TNRC18: variants seen among roughly 807,000 people sequenced by gnomAD.
The protein encoded by TNRC18 is trinucleotide repeat-containing gene 18 protein.
A neutral mutation model predicts 226.7 loss-of-function variants in TNRC18; 69 were observed. The ratio of observed to expected loss-of-function variants is 0.30; its 90% CI spans 0.25 to 0.37. The LOEUF (loss-of-function observed/expected upper bound fraction) is 0.37. TNRC18 is among the 10% of genes least tolerant of loss of function. TNRC18 has a pLI of 1.00. For missense variants in TNRC18, 4,754 were observed against 4,256.6 expected, an observed-to-expected ratio of 1.12 and a Z score of -3.25; for synonymous variants, 2,449 against 1,927.6, an observed-to-expected ratio of 1.27 and a Z score of -7.09.
intron 8 of TNRC18, 96 bp from the exon 9 acceptor site, chr7:5,376,320 C>T (rs760816498): frequency 6.2e-6 from 7 of 1,125,058 alleles, no homozygotes; most frequent in Middle Eastern, 2.1e-4. Context: ...GGGCCACACC[C>T]ACACAGTGGG....
intron 18 of TNRC18, 45 bp downstream of exon 18, chr7:5,345,517 G>GGGGGGGGC: frequency 1.6e-5 from 6 of 377,744 alleles, no homozygotes; most frequent in Non-Finnish European, 2.9e-5. Flanking sequence ...AATGGCGTCC[G>GGGGGGGGC]CCCCTCCCAC....
rs114819482 is a variant in TNRC18, at chr7:5,318,398, C to T, written c.6745+1920G>A. ...GTTAGAAGATAAAAGTAGAGAAAAT[C>T]TCTCCATAAGTTGAACAAAATAAGC... On this transcript the variant is annotated intron_variant, in intron 24 of 29. Transcript: ENST00000430969. 1.4e-3 allele frequency among the ~76,000 whole-genome samples: 213 copies of T among 152,102 alleles called. 2 individuals are homozygous for T. Among genetic ancestry groups the T allele is most frequent in the African/African-American group, 5.0e-3 (209 of 41,492 alleles).
intron 14 of TNRC18, among the ~76,000 whole-genome samples, chr7:5,360,090 G>A (rs1792880203): frequency 6.6e-6 from 1 of 152,148 alleles, no homozygotes. Flanking sequence ...GCTTTAAGCT[G>A]AAACTTCACA....
At chr7:5,332,518 T>G in intron 19 of TNRC18, 104 bp downstream of exon 19, 3 of 1,303,458 alleles carry the variant, frequency 2.3e-6, no homozygotes, top group Non-Finnish European at 3.1e-6. Context: ...AGTACATGGT[T>G]ATTAACAGTG....
At chr7:5,366,181 G>A (rs1793597100) in intron 11 of TNRC18, among the ~76,000 whole-genome samples, 1 of 151,916 alleles carries the variant, frequency 6.6e-6, no homozygotes, top group African/African-American at 2.4e-5. Context: ...AGGGTGTCTT[G>A]CTGAGTCCCT....
intron 5 of TNRC18, among the ~76,000 whole-genome samples, chr7:5,385,858 C>G (rs922886306): frequency 1.3e-5 from 2 of 151,326 alleles, no homozygotes; most frequent in Non-Finnish European, 2.9e-5. Context: ...TGGCGTGCAC[C>G]TATAATCCCA....
chr7:5,415,577 C>A (rs185065078), intron 2 of TNRC18, among the ~76,000 whole-genome samples: 4 of 151,138 alleles, frequency 2.6e-5, no homozygotes, highest in Non-Finnish European at 4.4e-5. Flanking sequence ...GATGCTGTTT[C>A]GCCATGTTGG....
In TNRC18 at chr7:5,308,936, T is replaced by C. The variant is rs768048336; in HGVS notation, c.8639A>G (p.Lys2880Arg). 42 of 1,591,930 alleles carry C rather than the reference T, an allele frequency of 2.6e-5. No homozygotes were observed. The East Asian group carries it at 9.4e-4, about 36-fold the overall frequency. Residue 2880 changes from lysine (K) to arginine (R), a missense_variant, in exon 29 of 30, where the codon AAG (lysine) becomes AGG (arginine). Lys to Arg is a conservative substitution (Grantham distance 26). Transcript: ENST00000430969. Reference protein sequence around the residue: ...QFHQGQHWDQKSSRSLPAALR... With the variant: ...QFHQGQHWDQRSSRSLPAALR... ...GGCCGCCGGGAGGCTGCGGCTGGAC[T>C]TCTGGTCCCAGTGCTGTGTGGGGGA...
rs891927093 is a variant in TNRC18, at chr7:5,311,311, G to T, written c.8388+1192C>A. 3.3e-5 allele frequency among the ~76,000 whole-genome samples: 5 copies of T among 152,270 alleles called. No individual in the cohort carries two copies. In the East Asian group the frequency reaches 9.6e-4, roughly 29 times the overall value. On this transcript the variant is annotated intron_variant, in intron 27 of 29. Coordinates refer to ENST00000430969, the MANE Select transcript of TNRC18 (RefSeq NM_001080495.3). ...GCTCCTTCTGAACAGCTAACCCACT[G>T]CTGCAGGCAGGGCACACGGGACCCC...
intron 5 of TNRC18, among the ~76,000 whole-genome samples, chr7:5,379,039 A>T (rs79268761): frequency 6.6e-6 from 1 of 151,962 alleles, no homozygotes; most frequent in African/African-American, 2.4e-5. Context: ...ACTAAAAAAA[A>T]TACAAAAATC....
chr7:5,326,154 G>C (rs1398626940), intron 19 of TNRC18, among the ~76,000 whole-genome samples: 1 of 151,972 alleles, frequency 6.6e-6, no homozygotes, highest in East Asian at 1.9e-4. Context: ...TCAGCTACTA[G>C]TAACAGCATG....
chr7:5,385,447 C>T (rs1331277787), intron 5 of TNRC18, among the ~76,000 whole-genome samples: 7 of 137,224 alleles, frequency 5.1e-5, no homozygotes, highest in African/African-American at 1.9e-4. Context: ...GAGATTGCGC[C>T]ACTGCAGTCC....
rs1251221759 is a variant in TNRC18 at position 5,361,632 on chromosome 7, G to T, written c.4623C>A (p.Pro1541=). 1 of 1,547,602 alleles carries T rather than the reference G, an allele frequency of 6.5e-7. No homozygotes were observed. The highest frequency in any genetic ancestry group is 8.7e-7 in the Non-Finnish European group (1 of 1,147,778). Residue 1541 remains proline, a synonymous_variant, in exon 14 of 30, where the codon CCC becomes CCA. Coordinates refer to ENST00000430969, the MANE Select transcript of TNRC18 (RefSeq NM_001080495.3). ...GGCCGCTCTTCCCTCTCTTGCGGGG[G>T]GGCGACAGGGCGCTCGGGGCGTGGG... The part of the protein sequence containing the change: ...KRTHAPSALS[P]PRKRGKSGHS...
intron 11 of TNRC18, among the ~76,000 whole-genome samples, chr7:5,366,440 CAGTCCCCTGAGT>C (rs919740359): frequency 2.1e-5 from 3 of 146,264 alleles, no homozygotes; most frequent in Non-Finnish European, 4.5e-5. Context: ...AATTCTGCCT[CAGTCCCCTGAGT>C]AGCTGGGACT....
Position 5,355,642 on chromosome 7 carries a change from T to C in TNRC18, c.5194+1274A>G, listed in dbSNP as rs144735839. ...GGTACACAGCTGTAGTCCCAGATACTCAGGAGGTTCAGAGGGGAGGATTGC... is the reference window on the plus strand; with the variant it reads ...GGTACACAGCTGTAGTCCCAGATACCCAGGAGGTTCAGAGGGGAGGATTGC... On this transcript the variant is annotated intron_variant, in intron 16 of 29. Transcript: ENST00000430969. Among the ~76,000 whole-genome samples, 65 of 152,088 alleles carry C rather than the reference T, an allele frequency of 4.3e-4. No homozygotes were observed. In the East Asian group the frequency reaches 0.012, roughly 29 times the overall value.
intron 3 of TNRC18, among the ~76,000 whole-genome samples, chr7:5,392,880 T>C (rs1436337512): frequency 6.6e-6 from 1 of 151,816 alleles, no homozygotes; most frequent in Non-Finnish European, 1.5e-5. Flanking sequence ...GGCGTGATGG[T>C]GTGCACCTGT....
chr7:5,348,515 G>A (rs1441913016), intron 17 of TNRC18, among the ~76,000 whole-genome samples: 1 of 152,198 alleles, frequency 6.6e-6, no homozygotes, highest in East Asian at 1.9e-4. Flanking sequence ...GGCCAAAAGT[G>A]GTGGCCCCAG....
In TNRC18 at chr7:5,326,487, C is replaced by A. The variant is rs556916750; in HGVS notation, c.6148-1239G>T. Among the ~76,000 whole-genome samples the A allele has an allele frequency of 3.9e-5, 6 of 152,300 alleles. No individual in the cohort carries two copies. In the South Asian group the frequency reaches 1.2e-3, roughly 32 times the overall value. On this transcript the variant is annotated intron_variant, in intron 19 of 29. Transcript: ENST00000430969. The stretch of plus-strand genomic sequence containing the variant: ...TGAGACAGGGTCTGGCTGTGTTGCC[C>A]AGGCTGGAGTGCCATGGCACAATGA...
In TNRC18 at chr7:5,313,731, G is replaced by C; in HGVS notation, c.7160C>G (p.Pro2387Arg). ...PEPVDKRAKA[P>R]KARPAPPQPS... ...CTGCGGCGGTGCCGGGCGCGCCTTG[G>C]GGGCCTTGGCTCGCTTGTCCACAGG... Residue 2387 changes from proline to arginine, a missense_variant, in exon 27 of 30, where the codon CCC (proline) becomes CGC (arginine). Coordinates refer to ENST00000430969, the MANE Select transcript of TNRC18 (RefSeq NM_001080495.3). The C allele has an allele frequency of 1.3e-6, 2 of 1,577,810 alleles. No individual in the cohort carries two copies. Among genetic ancestry groups the C allele is most frequent in the Non-Finnish European group, 1.7e-6 (2 of 1,162,298 alleles).
Sources: gnomAD v4.1 joint callset for allele counts (sites outside exome capture counted in the v4.1 genomes callset) on GRCh38, gnomAD v4.1.1 for gene constraint, MANE v1.5 for transcripts, NCBI Gene and HGNC (gene_info 2026-07-23, HGNC 2026-07-21) for gene names.